Variants in ZC3H12B observed in about 807,000 individuals in gnomAD.
ZC3H12B encodes probable ribonuclease ZC3H12B.
A neutral mutation model predicts 43.9 loss-of-function variants in ZC3H12B; 7 were observed. The observed-to-expected ratio is 0.16, with a 90% CI of 0.09 to 0.30. ZC3H12B has a LOEUF of 0.30. Among genes scored for constraint, ZC3H12B ranks in the 10% least tolerant of loss-of-function variants. The pLI is 1.00. For missense variants in ZC3H12B, 475 were observed against 670.2 expected (o/e 0.71, Z 3.22); for synonymous variants, 222 against 241.7 (o/e 0.92, Z 0.76).
chrX:65,475,572 T>C (rs2067982079), intron 3 of ZC3H12B, among the ~76,000 whole-genome samples: 1 of 111,856 alleles, frequency 8.9e-6, no homozygotes. Context: ...TTCTTGTTGC[T>C]TTCAAAATTA....
At chrX:65,267,399 GAACCTA>G in the ZC3H12B span, among the ~76,000 whole-genome samples, 22 of 108,893 alleles carry the variant, frequency 2.0e-4, no homozygotes, top group African/African-American at 6.7e-4. Context: ...AGAAGGGAGT[GAACCTA>G]AGTTCCAGGG....
At chrX:65,084,847 G>A in the ZC3H12B span, among the ~76,000 whole-genome samples, 1 of 112,669 alleles carries the variant, frequency 8.9e-6, no homozygotes, top group Non-Finnish European at 1.9e-5. Flanking sequence ...CTAAGAGTTG[G>A]AAGCAACCTA....
At chrX:65,347,930 C>T in the ZC3H12B span, among the ~76,000 whole-genome samples, 5 of 112,184 alleles carry the variant, frequency 4.5e-5, no homozygotes, top group Non-Finnish European at 9.4e-5. Flanking sequence ...AATTCATGTC[C>T]TTTGTAGGGA....
the ZC3H12B span, among the ~76,000 whole-genome samples, chrX:65,344,826 C>A: frequency 1.8e-5 from 2 of 112,212 alleles, no homozygotes; most frequent in East Asian, 2.8e-4. Flanking sequence ...TGACAAAGTT[C>A]TAATATCCAG....
At chrX:65,335,132 A>C in the ZC3H12B span, among the ~76,000 whole-genome samples, 7 of 112,260 alleles carry the variant, frequency 6.2e-5, no homozygotes, top group Admixed American at 1.9e-4. Context: ...AGTATTATAC[A>C]TCAGATAATG....
At chrX:65,503,432 C>T (rs372283632) in exon 5 of ZC3H12B, 1 of 338,099 alleles carries the variant, frequency 3.0e-6, no homozygotes, top group Non-Finnish European at 5.1e-6. Context: ...CAGGGTCACA[C>T]TGCTAGCAAA....
At chrX:65,115,294 CATG>C in the ZC3H12B span, among the ~76,000 whole-genome samples, 24 of 109,911 alleles carry the variant, frequency 2.2e-4, no homozygotes, top group Non-Finnish European at 3.8e-4. Flanking sequence ...TGAGTGAAAA[CATG>C]ATGATATTTG....
chrX:65,349,664 A>G, the ZC3H12B span, among the ~76,000 whole-genome samples: 1 of 111,923 alleles, frequency 8.9e-6, no homozygotes, highest in Admixed American at 9.5e-5. Flanking sequence ...TAAAAAAATT[A>G]TAGGGTATAT....
chrX:65,339,833 C>T, the ZC3H12B span, among the ~76,000 whole-genome samples: 1 of 112,143 alleles, frequency 8.9e-6, no homozygotes, highest in Non-Finnish European at 1.9e-5. Context: ...CACTTCCTCT[C>T]TACACTACAG....
At chrX:65,463,189 G>A (rs956759946) in intron 3 of ZC3H12B, among the ~76,000 whole-genome samples, 10 of 111,781 alleles carry the variant, frequency 8.9e-5, no homozygotes, top group African/African-American at 2.6e-4. Flanking sequence ...CCTGGGTAAT[G>A]GGATTAAACA....
the ZC3H12B span, among the ~76,000 whole-genome samples, chrX:65,195,082 C>G: frequency 9.8e-6 from 1 of 101,784 alleles, no homozygotes; most frequent in Non-Finnish European, 1.9e-5. Context: ...TTGTAGTGAA[C>G]AGATCATTGG....
the ZC3H12B span, among the ~76,000 whole-genome samples, chrX:65,045,325 C>A: frequency 2.7e-5 from 3 of 112,301 alleles, no homozygotes; most frequent in African/African-American, 9.7e-5. Flanking sequence ...TGTAGAACTT[C>A]TTTCAAAATT....
At chrX:65,451,929 T>G (rs749658045) in intron 3 of ZC3H12B, among the ~76,000 whole-genome samples, 1 of 112,160 alleles carries the variant, frequency 8.9e-6, no homozygotes, top group African/African-American at 3.2e-5. Flanking sequence ...CTGCTGCTTT[T>G]TTTCTTTATG....
the ZC3H12B span, among the ~76,000 whole-genome samples, chrX:65,349,923 G>C: frequency 8.9e-6 from 1 of 111,886 alleles, no homozygotes; most frequent in Admixed American, 9.5e-5. Flanking sequence ...AATTCTACCA[G>C]AGTGACAAAG....
intron 3 of ZC3H12B, among the ~76,000 whole-genome samples, chrX:65,466,898 CTATATATATAAAACCAAATATATA>C (rs2067826246): frequency 3.3e-5 from 1 of 29,999 alleles, no homozygotes; most frequent in Non-Finnish European, 8.4e-5. Flanking sequence ...ATATATGTAA[CTATATATATAAAACCAAATATATA>C]TATATATATA....
chrX:65,155,846 G>A, the ZC3H12B span, among the ~76,000 whole-genome samples: 7 of 109,504 alleles, frequency 6.4e-5, no homozygotes, highest in Non-Finnish European at 9.5e-5. Flanking sequence ...GTGACAGAGC[G>A]AGGCCTTTTC....
chrX:65,244,747 AAAAAG>A, the ZC3H12B span, among the ~76,000 whole-genome samples: 10 of 107,875 alleles, frequency 9.3e-5, no homozygotes, highest in East Asian at 1.6e-3. Context: ...AAAAAAAAAA[AAAAAG>A]AAAACGCAAA....
At chrX:65,202,860 G>A in the ZC3H12B span, among the ~76,000 whole-genome samples, 1 of 110,698 alleles carries the variant, frequency 9.0e-6, no homozygotes, top group Non-Finnish European at 1.9e-5. Context: ...CCCTGGGAAG[G>A]TCTAGAGCTG....
At chrX:65,324,045 GT>G in the ZC3H12B span, among the ~76,000 whole-genome samples, 2 of 111,662 alleles carry the variant, frequency 1.8e-5, no homozygotes, top group Admixed American at 9.5e-5. Flanking sequence ...AAGGTTGTTT[GT>G]TTTTTTCTTG....
Sources: gnomAD v4.1 joint callset for allele counts (sites outside exome capture counted in the v4.1 genomes callset) on GRCh38, gnomAD v4.1.1 for gene constraint, MANE v1.5 for transcripts, NCBI Gene and HGNC (gene_info 2026-07-23, HGNC 2026-07-21) for gene names.